Variants in FSHR observed in about 807,000 individuals in gnomAD.
FSHR encodes follicle stimulating hormone receptor, also known as follicle-stimulating hormone receptor.
FSHR carries 46 observed loss-of-function variants against 52.1 expected under a neutral mutation model. That is an observed-to-expected ratio of 0.88 (90% confidence interval 0.70 to 1.13). The LOEUF (loss-of-function observed/expected upper bound fraction) is 1.13. Ranked by LOEUF, FSHR falls within the 50% of genes most tolerant of loss-of-function variation. The pLI is 0.00. For missense variants in FSHR, 964 were observed against 834.6 expected (o/e 1.16, Z -1.91); for synonymous variants, 399 against 309.6 (o/e 1.29, Z -3.03).
intron 1 of FSHR, among the ~76,000 whole-genome samples, chr2:49,100,091 G>A (rs1670971780): frequency 6.6e-6 from 1 of 152,138 alleles, no homozygotes; most frequent in Non-Finnish European, 1.5e-5. Flanking sequence ...ATTAACTCAT[G>A]TAATCTTCAC....
At position 48,982,896 on chromosome 2, in the gene FSHR, G is replaced by T; in HGVS notation, c.668+16C>A. 12 of 1,603,350 alleles carry T rather than the reference G, an allele frequency of 7.5e-6. No homozygotes were observed. The highest frequency in any genetic ancestry group is 9.4e-6 in the Non-Finnish European group (11 of 1,170,196). ...AAACTGAGCTCTTACACACAGAAAT[G>T]GGGAAAGCTACTCACAGAATGACTG... On this transcript the variant is annotated intron_variant, in intron 8 of 9. Coordinates refer to ENST00000406846, the MANE Select transcript of FSHR (RefSeq NM_000145.4).
chr2:49,060,018 T>C (rs370616580), intron 2 of FSHR, among the ~76,000 whole-genome samples: 3 of 151,548 alleles, frequency 2.0e-5, no homozygotes, highest in Non-Finnish European at 4.4e-5. Context: ...ACCAAAAAAA[T>C]TTGATTAAAA....
At chr2:49,137,971 C>G (rs1476806763) in intron 1 of FSHR, among the ~76,000 whole-genome samples, 1 of 151,960 alleles carries the variant, frequency 6.6e-6, no homozygotes, top group African/African-American at 2.4e-5. Context: ...AATTTAAAAC[C>G]TTTATGCTTC....
chr2:49,084,698 C>G (rs369642126), intron 1 of FSHR, among the ~76,000 whole-genome samples: 39 of 152,318 alleles, frequency 2.6e-4, no homozygotes, highest in South Asian at 1.2e-3. Flanking sequence ...AAACTACCAT[C>G]AGAGAATACT....
intron 2 of FSHR, among the ~76,000 whole-genome samples, chr2:49,020,400 A>G (rs1667645568): frequency 6.6e-6 from 1 of 152,336 alleles, no homozygotes; most frequent in Non-Finnish European, 1.5e-5. Flanking sequence ...TCCAGTCTAT[A>G]GTTGTAGAAA....
At chr2:49,044,670 T>A (rs1031764692) in intron 2 of FSHR, among the ~76,000 whole-genome samples, 11 of 152,038 alleles carry the variant, frequency 7.2e-5, no homozygotes, top group Admixed American at 6.5e-5. Flanking sequence ...CCCAGCACTC[T>A]TACTGCCTGC....
chr2:49,012,124 CTG>C (rs1446055134), intron 4 of FSHR, among the ~76,000 whole-genome samples: 1 of 152,040 alleles, frequency 6.6e-6, no homozygotes, highest in Non-Finnish European at 1.5e-5. Context: ...GCTTACAGCA[CTG>C]TGTGAAAGGT....
At chr2:49,020,608 A>G (rs901049198) in intron 2 of FSHR, among the ~76,000 whole-genome samples, 1 of 152,070 alleles carries the variant, frequency 6.6e-6, no homozygotes, top group African/African-American at 2.4e-5. Context: ...TGTAGCCCAA[A>G]TGTAACCAAA....
intron 1 of FSHR, among the ~76,000 whole-genome samples, chr2:49,138,578 C>G (rs1259573650): frequency 6.6e-6 from 1 of 151,910 alleles, no homozygotes; most frequent in African/African-American, 2.4e-5. Flanking sequence ...AAATATTATC[C>G]TAAGTGAAAG....
chr2:49,002,680 G>A (rs888883010), intron 4 of FSHR, among the ~76,000 whole-genome samples: 2 of 152,038 alleles, frequency 1.3e-5, no homozygotes, highest in African/African-American at 4.8e-5. Flanking sequence ...TACCTCCCAT[G>A]AAGTCCCTCC....
chr2:48,991,191 T>C (rs1040757515), intron 4 of FSHR, among the ~76,000 whole-genome samples: 2 of 152,128 alleles, frequency 1.3e-5, no homozygotes, highest in Non-Finnish European at 2.9e-5. Context: ...GCTGAAAATT[T>C]CAGACCTACC....
At chr2:49,061,590 A>G (rs1432839019) in intron 2 of FSHR, among the ~76,000 whole-genome samples, 2 of 138,484 alleles carry the variant, frequency 1.4e-5, no homozygotes, top group Non-Finnish European at 3.0e-5. Flanking sequence ...ATATATCTAT[A>G]TATCTAAATG....
At chr2:49,152,857 T>A (rs570638437) in intron 1 of FSHR, among the ~76,000 whole-genome samples, 1 of 152,346 alleles carries the variant, frequency 6.6e-6, no homozygotes, top group Admixed American at 6.5e-5. Flanking sequence ...AAGTAATCAC[T>A]GAAAGTCACT....
intron 3 of FSHR, among the ~76,000 whole-genome samples, chr2:49,018,709 C>T (rs1667586133): frequency 6.6e-6 from 1 of 152,128 alleles, no homozygotes. Flanking sequence ...GGGTGAACAT[C>T]ACTTGCAGAG....
chr2:49,127,755 TTCTTCTTCTTCTTCTTCTTC>T (rs1672064957), intron 1 of FSHR, among the ~76,000 whole-genome samples: 2 of 14,720 alleles, frequency 1.4e-4, no homozygotes, highest in Non-Finnish European at 2.6e-4. Flanking sequence ...TTCTTCTTTC[TTCTTCTTCTTCTTCTTCTTC>T]TTCTTCTTCT....
intron 1 of FSHR, among the ~76,000 whole-genome samples, chr2:49,111,022 G>C (rs1230049447): frequency 6.6e-6 from 1 of 152,166 alleles, no homozygotes; most frequent in African/African-American, 2.4e-5. Context: ...ATGGAAAACT[G>C]GAGTCCTGCT....
At chr2:49,107,341 A>C (rs961838132) in intron 1 of FSHR, among the ~76,000 whole-genome samples, 1 of 151,952 alleles carries the variant, frequency 6.6e-6, no homozygotes, top group Non-Finnish European at 1.5e-5. Flanking sequence ...AGTGCCTCAG[A>C]CCTGCTTAGG....
intron 6 of FSHR, among the ~76,000 whole-genome samples, chr2:48,986,197 G>A (rs917310000): frequency 6.6e-6 from 1 of 152,042 alleles, no homozygotes; most frequent in Non-Finnish European, 1.5e-5. Flanking sequence ...TCATTGTTTA[G>A]CTCTTACAAG....
intron 4 of FSHR, among the ~76,000 whole-genome samples, chr2:48,994,719 T>C (rs1316234152): frequency 6.6e-6 from 1 of 152,168 alleles, no homozygotes. Flanking sequence ...TGCAAAATTA[T>C]TTTGATTCAC....
Sources: allele counts gnomAD v4.1 joint callset (sites outside exome capture counted in the v4.1 genomes callset), GRCh38; gene constraint gnomAD v4.1.1; transcripts MANE v1.5; gene names NCBI Gene and HGNC (gene_info 2026-07-23, HGNC 2026-07-21).